SPIDR: variants seen among roughly 807,000 people sequenced by gnomAD.
SPIDR encodes DNA repair-scaffolding protein.
A neutral mutation model predicts 104.6 loss-of-function variants in SPIDR; 93 were observed. The ratio of observed to expected loss-of-function variants is 0.89; its 90% CI spans 0.75 to 1.06. The LOEUF (loss-of-function observed/expected upper bound fraction) is 1.06, where lower values mean the gene tolerates loss of function less well. Among genes scored for constraint, SPIDR ranks in the 50% least tolerant of loss-of-function variants. The pLI is 0.00. For synonymous variants in SPIDR, 431 were observed against 416.9 expected (o/e 1.03, Z -0.41); for missense variants, 1,154 against 1,111.2 (o/e 1.04, Z -0.55).
chr8:47,713,532 GC>G lies in SPIDR; in HGVS notation c.2236del (p.Leu746PhefsTer2), dbSNP rs753653486. 7 of 1,614,038 alleles carry G rather than the reference GC, an allele frequency of 4.3e-6. No individual in the cohort carries two copies. In the African/African-American group the frequency reaches 9.3e-5, roughly 22 times the overall value. ...AERTVLLLQK[P>X]LLSVVSGASS... The stretch of plus-strand genomic sequence containing the variant: ...AACGAACTGTCCTCTTGCTTCAGAA[GC>G]CCCTTTTGAGTGTGGTCTCTGGTGC... On this transcript the variant is annotated frameshift_variant, in exon 16 of 20. Transcript: ENST00000297423. LOFTEE classifies it high-confidence loss of function.
intron 8 of SPIDR, among the ~76,000 whole-genome samples, chr8:47,465,316 A>G (rs555023139): frequency 3.9e-5 from 6 of 152,322 alleles, no homozygotes; most frequent in East Asian, 1.9e-4. Context: ...ACAAGTCTAC[A>G]TAATAACCAA....
At chr8:47,402,528 C>A (rs2062050996) in intron 6 of SPIDR, among the ~76,000 whole-genome samples, 1 of 152,162 alleles carries the variant, frequency 6.6e-6, no homozygotes, top group Non-Finnish European at 1.5e-5. Flanking sequence ...AATATCACCA[C>A]CAGTCCCACA....
At chr8:47,277,317 TA>T (rs1282042102) in intron 1 of SPIDR, among the ~76,000 whole-genome samples, 5 of 2,428 alleles carry the variant, frequency 2.1e-3, no homozygotes, top group Non-Finnish European at 3.8e-3. Flanking sequence ...TTATGTTTGT[TA>T]TGTTATGTTA....
intron 8 of SPIDR, among the ~76,000 whole-genome samples, chr8:47,533,386 A>G (rs971062888): frequency 3.3e-5 from 5 of 152,232 alleles, no homozygotes; most frequent in Non-Finnish European, 5.9e-5. Flanking sequence ...CATGACAAAG[A>G]CACCAAAAGC....
intron 8 of SPIDR, among the ~76,000 whole-genome samples, chr8:47,580,144 G>GT (rs1323840460): frequency 6.6e-6 from 1 of 152,172 alleles, no homozygotes; most frequent in East Asian, 1.9e-4. Context: ...AAGGCTCAGT[G>GT]TAAATGTTGT....
chr8:47,671,619 A>AATAAATAAATAAATAC (rs957353976), intron 10 of SPIDR, among the ~76,000 whole-genome samples: 19 of 149,268 alleles, frequency 1.3e-4, no homozygotes, highest in Middle Eastern at 3.5e-3. Context: ...TAAATAAATA[A>AATAAATAAATAAATAC]ATACAAATAA....
At chr8:47,567,041 C>CA in intron 8 of SPIDR, among the ~76,000 whole-genome samples, 1 of 152,066 alleles carries the variant, frequency 6.6e-6, no homozygotes, top group East Asian at 1.9e-4. Context: ...CTAGAAAACA[C>CA]AATTTGTTCT....
At chr8:47,360,538 T>C (rs1346842913) in intron 5 of SPIDR, among the ~76,000 whole-genome samples, 1 of 152,146 alleles carries the variant, frequency 6.6e-6, no homozygotes, top group Non-Finnish European at 1.5e-5. Context: ...TGAAAACCCG[T>C]AGGCTTAGAG....
chr8:47,509,246 A>T (rs1410899602), intron 8 of SPIDR, among the ~76,000 whole-genome samples: 1 of 152,166 alleles, frequency 6.6e-6, no homozygotes, highest in Admixed American at 6.5e-5. Flanking sequence ...CTGCTACCTC[A>T]GCCATTCCTG....
chr8:47,340,230 G>A (rs2050485746), intron 5 of SPIDR, among the ~76,000 whole-genome samples: 1 of 152,092 alleles, frequency 6.6e-6, no homozygotes, highest in South Asian at 2.1e-4. Context: ...TGTCCTTTAT[G>A]GCTACGAGTT....
At chr8:47,633,343 TCTC>T (rs1443549001) in intron 10 of SPIDR, among the ~76,000 whole-genome samples, 20 of 152,068 alleles carry the variant, frequency 1.3e-4, no homozygotes, top group African/African-American at 4.6e-4. Context: ...TGTTTCCTTG[TCTC>T]CTCCTGCTTT....
intron 19 of SPIDR, among the ~76,000 whole-genome samples, chr8:47,735,095 G>T (rs201129019): frequency 3.8e-4 from 56 of 146,040 alleles, no homozygotes; most frequent in Non-Finnish European, 6.0e-4. Context: ...TGGGTGTGTG[G>T]GTGTGTGTGT....
intron 8 of SPIDR, among the ~76,000 whole-genome samples, chr8:47,552,632 T>C (rs1030850385): frequency 2.0e-5 from 3 of 152,176 alleles, no homozygotes; most frequent in Non-Finnish European, 2.9e-5. Context: ...CCTCCATCCC[T>C]TTGTTTTGAG....
At chr8:47,732,296 G>A in intron 19 of SPIDR, 1 of 677,880 alleles carries the variant, frequency 1.5e-6, no homozygotes, top group South Asian at 1.6e-5. Context: ...GAGTGCACGT[G>A]TGTGCACATT....
intron 5 of SPIDR, among the ~76,000 whole-genome samples, chr8:47,372,351 C>T (rs915380467): frequency 1.2e-4 from 19 of 152,170 alleles, no homozygotes; most frequent in African/African-American, 4.6e-4. Flanking sequence ...GGGAGACAAG[C>T]TACTATCCCT....
At position 47,643,314 on chromosome 8, in the gene SPIDR, C is replaced by T. The variant is rs778343172; in HGVS notation, c.1545-30487C>T. 2.2e-4 allele frequency among the ~76,000 whole-genome samples: 33 copies of T among 152,048 alleles called. 1 individual carries two copies. The highest frequency in any genetic ancestry group is 4.0e-4 in the Non-Finnish European group (27 of 67,998). ...TCTGCATTCTGTAGTATTTGCCATA[C>T]TTCTATAACTGCAACTTCTATTTTA... On this transcript the variant is annotated intron_variant, in intron 10 of 19. Transcript: ENST00000297423.
chr8:47,631,642 T>C (rs1034936838), intron 10 of SPIDR, among the ~76,000 whole-genome samples: 2 of 152,060 alleles, frequency 1.3e-5, no homozygotes, highest in Non-Finnish European at 2.9e-5. Context: ...GAAGGAAGAG[T>C]TGATAAAGAA....
At chr8:47,271,972 TG>T (rs2035420447) in intron 1 of SPIDR, among the ~76,000 whole-genome samples, 1 of 152,006 alleles carries the variant, frequency 6.6e-6, no homozygotes. Context: ...GGCTAATTTT[TG>T]TATTTTTTTT....
At chr8:47,640,674 G>A (rs1407453994) in intron 10 of SPIDR, among the ~76,000 whole-genome samples, 3 of 7,064 alleles carry the variant, frequency 4.2e-4, no homozygotes, top group Non-Finnish European at 7.7e-4. Context: ...TTTTTTGTTT[G>A]TTTTTTGTTG....
Sources: allele counts gnomAD v4.1 joint callset (sites outside exome capture counted in the v4.1 genomes callset), GRCh38; gene constraint gnomAD v4.1.1; transcripts MANE v1.5; gene names NCBI Gene and HGNC (gene_info 2026-07-23, HGNC 2026-07-21).